The following CNTNAP5 variants were observed in gnomAD, a reference collection of about 807,000 sequenced individuals.
CNTNAP5 encodes the protein contactin-associated protein-like 5.
A neutral mutation model predicts 150.2 loss-of-function variants in CNTNAP5; 72 were observed. The observed-to-expected ratio is 0.48, with a 90% CI of 0.40 to 0.58. CNTNAP5 has a LOEUF of 0.58. CNTNAP5 is among the 20% of genes least tolerant of loss of function. The pLI, the probability that CNTNAP5 is intolerant of heterozygous loss-of-function variation, is 0.00. For missense variants in CNTNAP5, 1,636 were observed against 1,626.2 expected, an observed-to-expected ratio of 1.01 and a Z score of -0.10; for synonymous variants, 672 against 619.8, an observed-to-expected ratio of 1.08 and a Z score of -1.25.
chr2:124,136,128 A>G (rs969032736), intron 1 of CNTNAP5, among the ~76,000 whole-genome samples: 7 of 152,086 alleles, frequency 4.6e-5, no homozygotes, highest in Admixed American at 4.6e-4. Context: ...TTTTTCCCTG[A>G]GAATGTAATC....
intron 1 of CNTNAP5, among the ~76,000 whole-genome samples, chr2:124,195,579 C>G (rs1420391493): frequency 1.3e-5 from 2 of 152,106 alleles, no homozygotes; most frequent in African/African-American, 4.8e-5. Flanking sequence ...TGTAGTTTGT[C>G]CATTCCTGTA....
intron 13 of CNTNAP5, among the ~76,000 whole-genome samples, chr2:124,713,473 G>A (rs1161309436): frequency 6.7e-6 from 1 of 150,296 alleles, no homozygotes; most frequent in Non-Finnish European, 1.5e-5. Flanking sequence ...CACCTCTCCG[G>A]TTCAAGTGAT....
intron 7 of CNTNAP5, among the ~76,000 whole-genome samples, chr2:124,504,090 A>T (rs1694341420): frequency 6.6e-6 from 1 of 152,078 alleles, no homozygotes; most frequent in African/African-American, 2.4e-5. Flanking sequence ...TGCAGATAGC[A>T]TTGTGATCCT....
In CNTNAP5 at chr2:124,028,359, C is replaced by T. The variant is rs181594802; in HGVS notation, c.82+2627C>T. 1.1e-4 allele frequency among the ~76,000 whole-genome samples: 17 copies of T among 151,670 alleles called. No homozygotes were observed. In the East Asian group the frequency reaches 2.5e-3, roughly 22 times the overall value. ...GCATTTACATTTCTCATAATCTGACCGAAACCTGGGCTTTTAACTTCAAAG... is the reference window on the plus strand; with the variant it reads ...GCATTTACATTTCTCATAATCTGACTGAAACCTGGGCTTTTAACTTCAAAG... On this transcript the variant is annotated intron_variant, in intron 1 of 23. Coordinates refer to ENST00000682447, the MANE Select transcript of CNTNAP5 (RefSeq NM_001367498.1).
intron 1 of CNTNAP5, among the ~76,000 whole-genome samples, chr2:124,220,874 A>G (rs1686290092): frequency 6.6e-6 from 1 of 152,158 alleles, no homozygotes. Context: ...GGGAAATGAC[A>G]AAAATTCCAA....
chr2:124,349,965 A>G (rs1180356917), intron 3 of CNTNAP5, among the ~76,000 whole-genome samples: 1 of 135,534 alleles, frequency 7.4e-6, no homozygotes, highest in East Asian at 2.1e-4. Flanking sequence ...GCTCACTTCA[A>G]CCTCTGCCTC....
chr2:124,200,940 G>A (rs1163601894), intron 1 of CNTNAP5, among the ~76,000 whole-genome samples: 1 of 152,084 alleles, frequency 6.6e-6, no homozygotes, highest in Non-Finnish European at 1.5e-5. Context: ...TCACCTCTAA[G>A]ACCCATATGT....
chr2:124,142,130 A>G (rs1364082242), intron 1 of CNTNAP5, among the ~76,000 whole-genome samples: 1 of 138,488 alleles, frequency 7.2e-6, no homozygotes, highest in African/African-American at 2.8e-5. Flanking sequence ...GAGCACCCAG[A>G]TTCATAAAGC....
chr2:124,289,740 T>G (rs1201057831), intron 3 of CNTNAP5, among the ~76,000 whole-genome samples: 1 of 152,184 alleles, frequency 6.6e-6, no homozygotes, highest in Non-Finnish European at 1.5e-5. Context: ...ATTAAAGAAT[T>G]AATGTGAAGC....
intron 13 of CNTNAP5, among the ~76,000 whole-genome samples, chr2:124,699,985 G>C (rs113583495): frequency 1.3e-5 from 2 of 152,140 alleles, no homozygotes; most frequent in African/African-American, 4.8e-5. Context: ...ATGAAACCCT[G>C]TACTTGTTAG....
chr2:124,911,736 C>A (rs756088023), intron 23 of CNTNAP5, among the ~76,000 whole-genome samples, 198 bp downstream of exon 23: 7 of 152,012 alleles, frequency 4.6e-5, no homozygotes, highest in Non-Finnish European at 5.9e-5. Context: ...AGCAGCTCTG[C>A]GGATTCATCT....
chr2:124,634,388 G>A (rs192791573), intron 12 of CNTNAP5, among the ~76,000 whole-genome samples: 1 of 152,048 alleles, frequency 6.6e-6, no homozygotes, highest in African/African-American at 2.4e-5. Flanking sequence ...CCAAGAGCAG[G>A]GGCACAATGC....
chr2:124,344,023 G>A (rs571690040), intron 3 of CNTNAP5, among the ~76,000 whole-genome samples: 1 of 152,224 alleles, frequency 6.6e-6, no homozygotes, highest in South Asian at 2.1e-4. Flanking sequence ...ACCAGAACAA[G>A]AACCCATAAA....
chr2:124,881,730 A>G (rs1291649528), intron 21 of CNTNAP5, among the ~76,000 whole-genome samples: 1 of 152,088 alleles, frequency 6.6e-6, no homozygotes. Flanking sequence ...CCATTGCCTG[A>G]CTTGTATTTC....
chr2:124,826,947 G>T (rs1484162265), intron 19 of CNTNAP5, among the ~76,000 whole-genome samples: 1 of 151,980 alleles, frequency 6.6e-6, no homozygotes, highest in Admixed American at 6.6e-5. Flanking sequence ...TTGAGACAGG[G>T]TCTTGTTCTG....
At chr2:124,767,640 G>A (rs190974080) in intron 16 of CNTNAP5, among the ~76,000 whole-genome samples, 3 of 152,258 alleles carry the variant, frequency 2.0e-5, no homozygotes, top group Admixed American at 2.0e-4. Flanking sequence ...GCAACATGGG[G>A]TTGGTGACAT....
At chr2:124,634,117 A>C (rs1677923386) in intron 12 of CNTNAP5, among the ~76,000 whole-genome samples, 1 of 152,176 alleles carries the variant, frequency 6.6e-6, no homozygotes, top group Non-Finnish European at 1.5e-5. Flanking sequence ...TACTTATGCA[A>C]ATTTCTGCAG....
intron 1 of CNTNAP5, among the ~76,000 whole-genome samples, chr2:124,064,585 T>C (rs1355239610): frequency 1.3e-5 from 2 of 152,166 alleles, no homozygotes; most frequent in South Asian, 2.1e-4. Context: ...ATCATGCGAA[T>C]CTTATAATTT....
chr2:124,788,038 C>T (rs932615527), intron 17 of CNTNAP5, among the ~76,000 whole-genome samples: 2 of 152,192 alleles, frequency 1.3e-5, no homozygotes, highest in South Asian at 4.1e-4. Context: ...ACCTCAAAGG[C>T]CTGTGTGTGG....
Sources: gnomAD v4.1 joint callset for allele counts (sites outside exome capture counted in the v4.1 genomes callset) on GRCh38, gnomAD v4.1.1 for gene constraint, MANE v1.5 for transcripts, NCBI Gene and HGNC (gene_info 2026-07-23, HGNC 2026-07-21) for gene names.